NUP214: variants seen among roughly 807,000 people sequenced by gnomAD.
NUP214 encodes nucleoporin 214.
In NUP214, 79 loss-of-function variants were observed where a neutral mutation model predicts 196.2. That is an observed-to-expected ratio of 0.40 (90% confidence interval 0.34 to 0.49). The LOEUF (loss-of-function observed/expected upper bound fraction) is 0.49. Ranked by LOEUF, NUP214 falls within the 20% of genes least tolerant of loss-of-function variation. NUP214 has a pLI of 0.58. For missense variants in NUP214, 2,468 were observed against 2,539.0 expected, an observed-to-expected ratio of 0.97 and a Z score of 0.60; for synonymous variants, 1,020 against 990.5, an observed-to-expected ratio of 1.03 and a Z score of -0.56.
intron 30 of NUP214, among the ~76,000 whole-genome samples, chr9:131,208,436 G>A (rs1446838597): frequency 1.3e-5 from 2 of 152,182 alleles, no homozygotes; most frequent in African/African-American, 2.4e-5. Context: ...AGTGGCTCAC[G>A]CCTGTAATCC....
At chr9:131,222,955 G>C (rs766868009) in intron 32 of NUP214, 25 bp downstream of exon 32, 1 of 1,606,746 alleles carries the variant, frequency 6.2e-7, no homozygotes, top group Non-Finnish European at 8.5e-7. Context: ...ATTTGTTATG[G>C]TTATCTTTAT....
intron 17 of NUP214, among the ~76,000 whole-genome samples, chr9:131,152,804 C>CT (rs1832313385): frequency 6.6e-6 from 1 of 151,352 alleles, no homozygotes; most frequent in African/African-American, 2.4e-5. Context: ...TTTTTTGAGA[C>CT]TGAGTCTCGC....
At chr9:131,147,072 T>C (rs1247879020) in intron 13 of NUP214, among the ~76,000 whole-genome samples, 3 of 152,110 alleles carry the variant, frequency 2.0e-5, no homozygotes, top group Non-Finnish European at 2.9e-5. Context: ...CTGCAGCCTC[T>C]ACCTCCTGGG....
At chr9:131,165,075 A>G (rs1451598734) in intron 21 of NUP214, 1 of 152,228 alleles carries the variant, frequency 6.6e-6, no homozygotes, top group Non-Finnish European at 1.5e-5. Context: ...TTCTTTACCT[A>G]AAGAATACAT....
intron 24 of NUP214, among the ~76,000 whole-genome samples, chr9:131,182,968 G>A (rs1833330784): frequency 6.6e-6 from 1 of 152,184 alleles, no homozygotes; most frequent in Admixed American, 6.5e-5. Flanking sequence ...AAAGAATAGT[G>A]TAAGAATCTA....
In NUP214 at chr9:131,230,672, G is replaced by A. The variant is rs1016430972; in HGVS notation, c.6117G>A (p.Ala2039=). The change falls in exon 34 of 36, where the codon GCG becomes GCA. Residue 2039 remains alanine, a synonymous_variant. Coordinates refer to ENST00000359428, the MANE Select transcript of NUP214 (RefSeq NM_005085.4). ...ACACCACATCCTTCGGCACGCTCGC[G>A]AGTCAGAATGCCCCCACTTTCGGAT... ...SSNTTSFGTL[A]SQNAPTFGSL... 8.7e-6 allele frequency: 14 copies of A among 1,614,122 alleles called. No homozygotes were observed. The highest frequency in any genetic ancestry group is 4.0e-5 in the African/African-American group (3 of 75,028).
chr9:131,187,108 A>G, intron 24 of NUP214, 181 bp from the exon 25 acceptor site: 1 of 579,914 alleles, frequency 1.7e-6, no homozygotes. Context: ...CTAAAAACCC[A>G]AAGTTCATTT....
intron 11 of NUP214, among the ~76,000 whole-genome samples, chr9:131,142,190 G>A (rs1393877020): frequency 6.6e-6 from 1 of 152,076 alleles, no homozygotes; most frequent in African/African-American, 2.4e-5. Context: ...CCTATACCCA[G>A]CTGCCTGGTG....
At position 131,139,197 on chromosome 9, in the gene NUP214, G is replaced by A. The variant is rs1047520983; in HGVS notation, c.1006-84G>A. 7 of 1,350,260 alleles carry A rather than the reference G, an allele frequency of 5.2e-6. No homozygotes were observed. In the African/African-American group the frequency reaches 1.1e-4, roughly 20 times the overall value. The allele number at this position is 1,350,260 out of a possible 1,614,324, so 83.6% of individuals were successfully genotyped here. ...CTGTTCTCCTATTTGAACAATGTTA[G>A]GAGGAACCAATGCAAAGCTCTAACC... is the stretch of plus-strand genomic sequence containing the variant. On this transcript the variant is annotated intron_variant, in intron 9 of 35. Coordinates refer to ENST00000359428, the MANE Select transcript of NUP214 (RefSeq NM_005085.4).
At chr9:131,138,842 CTG>C (rs1235899643) in intron 9 of NUP214, among the ~76,000 whole-genome samples, 1 of 152,158 alleles carries the variant, frequency 6.6e-6, no homozygotes, top group Non-Finnish European at 1.5e-5. Context: ...ACATGCTTCT[CTG>C]TGAAAGACTG....
chr9:131,125,991 T>C lies in NUP214; in HGVS notation c.45+242T>C. Reference sequence around the variant, plus strand: ...TTACCCTAGCTACTTCCTGGGGCGGTCACAATAGTGGCAATAACTGCTGTT... The same window carrying C: ...TTACCCTAGCTACTTCCTGGGGCGGCCACAATAGTGGCAATAACTGCTGTT... On this transcript the variant is annotated intron_variant, in intron 1 of 35. Coordinates refer to ENST00000359428, the MANE Select transcript of NUP214 (RefSeq NM_005085.4). The surrounding 1 kb of genome is among the most constrained non-coding windows in gnomAD (Gnocchi z 4.1). 1 of 557,514 alleles carries C rather than the reference T, an allele frequency of 1.8e-6. No homozygotes were observed. The allele number at this position is 557,514 out of a possible 1,614,324, so 34.5% of individuals were successfully genotyped here.
chr9:131,130,380 A>G (rs1831511656), intron 4 of NUP214, among the ~76,000 whole-genome samples: 1 of 151,654 alleles, frequency 6.6e-6, no homozygotes, highest in Admixed American at 6.6e-5. Context: ...TCTGACCTCA[A>G]GTGATCCGTC....
intron 24 of NUP214, among the ~76,000 whole-genome samples, chr9:131,180,822 G>A (rs1309369111): frequency 6.6e-6 from 1 of 152,092 alleles, no homozygotes; most frequent in African/African-American, 2.4e-5. Flanking sequence ...ACTTATTTTG[G>A]TGTGCATTCA....
chr9:131,205,387 G>C (rs1452474822), intron 30 of NUP214, among the ~76,000 whole-genome samples: 2 of 152,220 alleles, frequency 1.3e-5, no homozygotes, highest in African/African-American at 4.8e-5. Context: ...CATATTGCTA[G>C]TGAGAGTGTA....
At chr9:131,174,960 A>C (rs971501803) in intron 22 of NUP214, among the ~76,000 whole-genome samples, 1 of 152,180 alleles carries the variant, frequency 6.6e-6, no homozygotes, top group African/African-American at 2.4e-5. Context: ...TCAGTTATAA[A>C]GCAACATCCA....
intron 24 of NUP214, among the ~76,000 whole-genome samples, chr9:131,183,543 G>C (rs1833352135): frequency 1.3e-5 from 2 of 152,096 alleles, no homozygotes; most frequent in Non-Finnish European, 1.5e-5. Context: ...GTTTCTTGAG[G>C]TTCATATCTG....
At position 131,151,677 on chromosome 9, in the gene NUP214, A is replaced by G. The variant is rs78864483; in HGVS notation, c.2278-59A>G. The G allele has an allele frequency of 1.8e-3, 2,465 of 1,393,334 alleles. 45 individuals are homozygous for G. In the African/African-American group the frequency reaches 0.032, roughly 18 times the overall value. 86.3% of individuals were successfully genotyped at this position (1,393,334 alleles called of 1,614,324 possible). A position where few individuals can be genotyped will look rare whatever the true frequency, so the allele number is the denominator to read the frequency against. On this transcript the variant is annotated intron_variant, in intron 16 of 35. Coordinates refer to ENST00000359428, the MANE Select transcript of NUP214 (RefSeq NM_005085.4). ...GAGAAACACCACCTTCCTTGATCCA[A>G]ACAGAAAGATTTGGACGTAACAACT... is the stretch of plus-strand genomic sequence containing the variant.
chr9:131,211,380 C>T (rs1369364396), intron 30 of NUP214, among the ~76,000 whole-genome samples: 2 of 152,198 alleles, frequency 1.3e-5, no homozygotes, highest in African/African-American at 4.8e-5. Context: ...CTTGCTATGT[C>T]TCTTAAGTCT....
intron 17 of NUP214, chr9:131,158,997 T>A (rs1035433865): frequency 3.3e-4 from 54 of 163,778 alleles, no homozygotes; most frequent in African/African-American, 1.3e-3. Context: ...TCTGCTTGCC[T>A]CAGCCTCCCA....
Sources: gnomAD v4.1 joint callset for allele counts (sites outside exome capture counted in the v4.1 genomes callset) on GRCh38, gnomAD v4.1.1 for gene constraint, Gnocchi (gnomAD v3.1) non-coding constraint, MANE v1.5 for transcripts, NCBI Gene and HGNC (gene_info 2026-07-23, HGNC 2026-07-21) for gene names.